Variants in ACAD11 observed in about 807,000 individuals in gnomAD.
ACAD11 encodes the protein acyl-CoA dehydrogenase family member 11.
In ACAD11, 83 loss-of-function variants were observed where a neutral mutation model predicts 102.2. The observed-to-expected ratio is 0.81, with a 90% CI of 0.68 to 0.97. ACAD11 has a LOEUF of 0.97. ACAD11 is among the 50% of genes least tolerant of loss of function. The pLI is 0.00. For synonymous variants in ACAD11, 324 were observed against 319.8 expected (o/e 1.01, Z -0.14); for missense variants, 901 against 951.7 (o/e 0.95, Z 0.70).
chr3:132,575,971 G>T, intron 16 of ACAD11, 45 bp from the exon 17 acceptor site: 3 of 1,598,858 alleles, frequency 1.9e-6, no homozygotes, highest in Non-Finnish European at 2.6e-6. Context: ...AAATGGCCTA[G>T]CCCATTCCTT....
chr3:132,644,920 A>G (rs74962519), intron 1 of ACAD11, 24 bp from the exon 2 acceptor site: 10 of 1,327,116 alleles, frequency 7.5e-6, no homozygotes, highest in Non-Finnish European at 9.6e-6. Flanking sequence ...AAAAAAAAAA[A>G]GGTCAATTAC....
chr3:132,560,038 A>G, intron 18 of ACAD11, 96 bp from the exon 19 acceptor site: 1 of 897,516 alleles, frequency 1.1e-6, no homozygotes, highest in South Asian at 1.6e-5. Context: ...CCCACATCCA[A>G]GTCACCACTA....
chr3:132,610,826 C>T (rs1939102125), intron 11 of ACAD11, among the ~76,000 whole-genome samples: 1 of 152,174 alleles, frequency 6.6e-6, no homozygotes, highest in Non-Finnish European at 1.5e-5. Flanking sequence ...CCTTCTGAAA[C>T]TATTCCTATT....
At chr3:132,594,798 T>C (rs894852575) in intron 13 of ACAD11, among the ~76,000 whole-genome samples, 2 of 152,186 alleles carry the variant, frequency 1.3e-5, no homozygotes, top group South Asian at 2.1e-4. Context: ...TTGTGTATCA[T>C]ATAGAAAGAT....
intron 13 of ACAD11, among the ~76,000 whole-genome samples, chr3:132,588,593 G>A (rs188355035): frequency 3.6e-4 from 54 of 152,076 alleles, no homozygotes; most frequent in African/African-American, 1.2e-3. Context: ...AATAACATAC[G>A]TAAAATATAG....
At chr3:132,587,561 G>T (rs1167006910) in intron 13 of ACAD11, among the ~76,000 whole-genome samples, 1 of 152,090 alleles carries the variant, frequency 6.6e-6, no homozygotes, top group Non-Finnish European at 1.5e-5. Flanking sequence ...TTAAGTCCTT[G>T]TCTGATGATT....
intron 2 of ACAD11, among the ~76,000 whole-genome samples, 173 bp downstream of exon 2, chr3:132,644,620 CAAAT>C (rs1940649303): frequency 1.3e-5 from 2 of 151,872 alleles, no homozygotes; most frequent in Admixed American, 1.3e-4. Context: ...ATTTCAACCT[CAAAT>C]AATTTTTTAA....
chr3:132,626,923 C>T, intron 8 of ACAD11, 106 bp from the exon 9 acceptor site: 1 of 1,076,736 alleles, frequency 9.3e-7, no homozygotes, highest in South Asian at 1.8e-5. Context: ...AAAAAACATC[C>T]CCCAGAAGGA....
intron 11 of ACAD11, among the ~76,000 whole-genome samples, chr3:132,617,320 G>C (rs1012182995): frequency 9.2e-5 from 14 of 152,106 alleles, no homozygotes; most frequent in African/African-American, 3.1e-4. Context: ...TGGTTCTTCT[G>C]CAAATCCAGT....
chr3:132,580,657 G>A (rs1288993124), intron 13 of ACAD11, among the ~76,000 whole-genome samples: 2 of 151,988 alleles, frequency 1.3e-5, no homozygotes. Context: ...TAATGGTATT[G>A]TGGTTACATT....
intron 14 of ACAD11, 152 bp from the exon 15 acceptor site, chr3:132,579,033 A>G (rs769365110): frequency 9.2e-6 from 14 of 1,516,036 alleles, no homozygotes; most frequent in Non-Finnish European, 1.1e-5. Context: ...ACGTACACCA[A>G]CATAGTCTGA....
Position 132,642,720 on chromosome 3 carries a change from G to T in ACAD11, c.332C>A (p.Thr111Asn), listed in dbSNP as rs143511938. ...VPKPILYCSD[T>N]SVIGTEFYVM... ...GTAAAATTCTGTTCCAATGACAGAA[G>T]TATCACTGCAGTACAGTATAGGCTT... is the stretch of plus-strand genomic sequence containing the variant. Residue 111 changes from threonine to asparagine, a missense_variant, in exon 3 of 20, where the codon ACT becomes AAT. By Grantham distance (65) the Thr-to-Asn change is moderately conservative. Coordinates refer to ENST00000264990, the MANE Select transcript of ACAD11 (RefSeq NM_032169.5). 3.4e-4 allele frequency: 544 copies of T among 1,611,756 alleles called. 1 individual carries two copies. Among genetic ancestry groups the T allele is most frequent in the Non-Finnish European group, 4.5e-4 (532 of 1,179,188 alleles).
At chr3:132,630,642 T>A in intron 6 of ACAD11, 84 bp from the exon 7 acceptor site, 1 of 1,227,436 alleles carries the variant, frequency 8.1e-7, no homozygotes, top group Non-Finnish European at 1.1e-6. Context: ...GACGCATATG[T>A]AAAACGGAAT....
chr3:132,652,932 C>T (rs953838720), intron 1 of ACAD11, among the ~76,000 whole-genome samples: 4 of 152,094 alleles, frequency 2.6e-5, no homozygotes, highest in African/African-American at 9.7e-5. Context: ...GGTTAAGGTC[C>T]ACCTCAGGTA....
intron 1 of ACAD11, 145 bp from the exon 2 acceptor site, chr3:132,645,041 C>T: frequency 1.8e-6 from 1 of 549,012 alleles, no homozygotes. Context: ...CAGCAGCTCA[C>T]AACATGAATT....
chr3:132,608,740 G>T (rs1308362396), intron 11 of ACAD11, among the ~76,000 whole-genome samples: 1 of 152,168 alleles, frequency 6.6e-6, no homozygotes, highest in African/African-American at 2.4e-5. Context: ...CGACGAGACA[G>T]AAAATTAACA....
At chr3:132,640,118 CT>C (rs200490230) in intron 4 of ACAD11, among the ~76,000 whole-genome samples, 206 of 145,022 alleles carry the variant, frequency 1.4e-3, no homozygotes, top group Admixed American at 1.5e-3. Flanking sequence ...AAGACATTTA[CT>C]TTTTTTTTTT....
chr3:132,624,624 G>A lies in ACAD11; in HGVS notation c.1197+2067C>T, dbSNP rs1939739780. Among the ~76,000 whole-genome samples, 8 of 147,932 alleles carry A rather than the reference G, an allele frequency of 5.4e-5. No homozygotes were observed. The South Asian group carries it at 1.7e-3, about 32-fold the overall frequency. ...CATTAAAAAAAAAAAGCCAAAACAT[G>A]GAGGACCCTCCTCTAGGGCACTAAA... On this transcript the variant is annotated intron_variant, in intron 9 of 19. Coordinates refer to ENST00000264990, the MANE Select transcript of ACAD11 (RefSeq NM_032169.5).
At chr3:132,585,237 A>C (rs1480120822) in intron 13 of ACAD11, among the ~76,000 whole-genome samples, 1 of 152,262 alleles carries the variant, frequency 6.6e-6, no homozygotes, top group African/African-American at 2.4e-5. Context: ...AAAACAAGAA[A>C]TGGGGAAAGG....
Sources: gnomAD v4.1 joint callset for allele counts (sites outside exome capture counted in the v4.1 genomes callset) on GRCh38, gnomAD v4.1.1 for gene constraint, MANE v1.5 for transcripts, NCBI Gene and HGNC (gene_info 2026-07-23, HGNC 2026-07-21) for gene names.